CDH2: variants seen among roughly 807,000 people sequenced by gnomAD.
CDH2 encodes cadherin-2.
In CDH2, 17 loss-of-function variants were observed where a neutral mutation model predicts 92.0. The observed-to-expected ratio is 0.18, with a 90% CI of 0.13 to 0.28. The LOEUF is 0.28. CDH2 is among the 10% of genes least tolerant of loss of function. The pLI, the probability that CDH2 is intolerant of heterozygous loss-of-function variation, is 1.00. For synonymous variants in CDH2, 419 were observed against 415.9 expected (o/e 1.01, Z -0.09); for missense variants, 862 against 1,133.1 (o/e 0.76, Z 3.44).
At chr18:28,129,701 T>C (rs9956424) in intron 2 of CDH2, among the ~76,000 whole-genome samples, 6,898 of 152,158 alleles carry the variant, frequency 0.045, 182 homozygotes, top group South Asian at 0.083. Flanking sequence ...GGTGGTTGCA[T>C]GTCTGTAGTC....
intron 1 of CDH2, among the ~76,000 whole-genome samples, chr18:28,158,843 G>A (rs1009153398): frequency 1.4e-4 from 21 of 152,164 alleles, no homozygotes; most frequent in Admixed American, 3.9e-4. Flanking sequence ...AGACATTAAA[G>A]ACACTGCAAA....
intron 2 of CDH2, among the ~76,000 whole-genome samples, chr18:28,031,005 T>C (rs188817472): frequency 6.6e-6 from 1 of 151,702 alleles, no homozygotes; most frequent in Non-Finnish European, 1.5e-5. Flanking sequence ...TTTTAACCAA[T>C]CTTAAGGTTT....
chr18:28,176,915 G>GCC, intron 1 of CDH2, 48 bp downstream of exon 1: 3 of 1,098,322 alleles, frequency 2.7e-6, no homozygotes, highest in Non-Finnish European at 3.4e-6. Context: ...ACCCGGCGCC[G>GCC]CCCGCCCCAC....
At chr18:28,128,505 C>T (rs182078559) in intron 2 of CDH2, among the ~76,000 whole-genome samples, 41 of 151,920 alleles carry the variant, frequency 2.7e-4, no homozygotes, top group Admixed American at 7.2e-4. Context: ...CACAACATGG[C>T]GAAACCCTGT....
chr18:27,971,605 A>C, intron 14 of CDH2, among the ~76,000 whole-genome samples: 1 of 152,164 alleles, frequency 6.6e-6, no homozygotes, highest in Non-Finnish European at 1.5e-5. Flanking sequence ...ACAGCCCACT[A>C]ATGTGTACCC....
At chr18:28,011,079 A>G (rs1337464395) in intron 4 of CDH2, among the ~76,000 whole-genome samples, 1 of 151,974 alleles carries the variant, frequency 6.6e-6, no homozygotes, top group Admixed American at 6.6e-5. Context: ...AATATACAAC[A>G]TATTTTAAAG....
intron 2 of CDH2, among the ~76,000 whole-genome samples, chr18:28,090,112 G>A (rs1332957659): frequency 1.3e-5 from 2 of 152,092 alleles, no homozygotes; most frequent in African/African-American, 4.8e-5. Flanking sequence ...CTGAATATAA[G>A]TATCAATTTT....
chr18:27,934,983 C>T (rs894597510), intron 6 of CDH2, among the ~76,000 whole-genome samples: 1 of 152,200 alleles, frequency 6.6e-6, no homozygotes, highest in Non-Finnish European at 1.5e-5. Flanking sequence ...AAACTTCATT[C>T]CTTGCTGCTC....
At chr18:28,086,484 C>G (rs772307110) in intron 2 of CDH2, among the ~76,000 whole-genome samples, 1 of 151,886 alleles carries the variant, frequency 6.6e-6, no homozygotes, top group Non-Finnish European at 1.5e-5. Context: ...GACTGTGTAC[C>G]TAACAAAAAT....
intron 2 of CDH2, among the ~76,000 whole-genome samples, chr18:28,103,238 A>ATATATAAAGTACATATATAAAAACTCCTT (rs2015259533): frequency 1.4e-5 from 2 of 143,570 alleles, no homozygotes; most frequent in Non-Finnish European, 3.0e-5. Context: ...TCCTTTATAT[A>ATATATAAAGTACATATATAAAAACTCCTT]TATATAAAGT....
chr18:28,007,206 G>A (rs1452318011), intron 5 of CDH2, among the ~76,000 whole-genome samples: 3 of 132,772 alleles, frequency 2.3e-5, no homozygotes, highest in Non-Finnish European at 4.8e-5. Context: ...GAGTATATAC[G>A]ATAGCTGTTC....
intron 2 of CDH2, among the ~76,000 whole-genome samples, chr18:28,049,228 T>C (rs992045421): frequency 2.0e-5 from 3 of 152,140 alleles, no homozygotes; most frequent in Non-Finnish European, 4.4e-5. Context: ...AAATGGCAAA[T>C]CCAACCAGCA....
At chr18:27,972,806 A>G (rs1193461701) in intron 14 of CDH2, among the ~76,000 whole-genome samples, 2 of 152,196 alleles carry the variant, frequency 1.3e-5, no homozygotes, top group East Asian at 3.9e-4. Flanking sequence ...ACAGAGCTTA[A>G]GGTCAGGACC....
At chr18:28,078,089 T>C (rs1286703640) in intron 2 of CDH2, among the ~76,000 whole-genome samples, 2 of 152,236 alleles carry the variant, frequency 1.3e-5, no homozygotes, top group East Asian at 3.9e-4. Context: ...ATATTCTGAC[T>C]ATTTGTAAAA....
At chr18:27,940,161 G>A (rs951020106) in intron 6 of CDH2, among the ~76,000 whole-genome samples, 22 of 152,096 alleles carry the variant, frequency 1.4e-4, no homozygotes, top group African/African-American at 4.8e-4. Context: ...CTTTCTGCAC[G>A]CTAATCTCAA....
intron 1 of CDH2, among the ~76,000 whole-genome samples, chr18:28,148,685 G>A (rs1055571099): frequency 1.7e-4 from 26 of 152,156 alleles, no homozygotes; most frequent in African/African-American, 5.3e-4. Context: ...GATTCCAGTG[G>A]CCATAGGGAC....
intron 2 of CDH2, among the ~76,000 whole-genome samples, chr18:28,053,344 T>G (rs1481993167): frequency 6.6e-6 from 1 of 152,208 alleles, no homozygotes; most frequent in Non-Finnish European, 1.5e-5. Context: ...AGATATCTTT[T>G]AAAGATTATA....
chr18:27,992,700 G>T lies in CDH2; in HGVS notation c.1299C>A (p.Ile433=). 1 of 1,613,896 alleles carries T rather than the reference G, an allele frequency of 6.2e-7. No individual in the cohort carries two copies. The highest frequency in any genetic ancestry group is 1.1e-5 in the South Asian group (1 of 91,012). ...CGTCGTTGCTGTTTGGGTCGGTCTG[G>T]ATGGCGAACCGTCCAGTAGGATCTC... ...SGGDPTGRFA[I]QTDPNSNDGL... Residue 433 remains isoleucine (I), a synonymous_variant, in exon 9 of 16, where the codon ATC becomes ATA. Transcript: ENST00000269141.
chr18:28,086,691 G>T (rs1360018047), intron 2 of CDH2, among the ~76,000 whole-genome samples: 2 of 98,232 alleles, frequency 2.0e-5, no homozygotes, highest in African/African-American at 8.9e-5. Context: ...GCCTCTAGTT[G>T]AATGGCTTCT....
Sources: gnomAD v4.1 joint callset for allele counts (sites outside exome capture counted in the v4.1 genomes callset) on GRCh38, gnomAD v4.1.1 for gene constraint, MANE v1.5 for transcripts, NCBI Gene and HGNC (gene_info 2026-07-23, HGNC 2026-07-21) for gene names.